Variants in CCNL2 observed in about 807,000 individuals in gnomAD.
CCNL2 encodes cyclin L2.
CCNL2 carries 28 observed loss-of-function variants against 59.1 expected under a neutral mutation model. The ratio of observed to expected loss-of-function variants is 0.47; its 90% CI spans 0.35 to 0.65. The LOEUF (loss-of-function observed/expected upper bound fraction) is 0.65. Among genes scored for constraint, CCNL2 ranks in the 30% least tolerant of loss-of-function variants. CCNL2 has a pLI of 0.00. For missense variants in CCNL2, 714 were observed against 717.4 expected, an observed-to-expected ratio of 1.00 and a Z score of 0.05; for synonymous variants, 342 against 288.6, an observed-to-expected ratio of 1.19 and a Z score of -1.88.
intron 4 of CCNL2, among the ~76,000 whole-genome samples, chr1:1,394,361 G>A (rs1011329998): frequency 1.3e-5 from 2 of 152,114 alleles, no homozygotes; most frequent in African/African-American, 4.8e-5. Flanking sequence ...AGTACATGCC[G>A]CAAAACTCGC....
rs534775954 is a variant in CCNL2, at chr1:1,387,286, C to A, written c.1508G>T (p.Arg503Leu). ...QRRERSRSYE[R>L]TGRRYERDHP... Reference sequence around the variant, plus strand: ...GTCCCGCTCATAGCGACGGCCTGTGCGTTCATACGACCTCGAGCGCTCTCG... The same window carrying A: ...GTCCCGCTCATAGCGACGGCCTGTGAGTTCATACGACCTCGAGCGCTCTCG... The change falls in exon 11 of 11, where the codon CGC becomes CTC. Residue 503 changes from arginine to leucine, a missense_variant. Physicochemically the swap from Arg to Leu is moderately radical, Grantham distance 102. This residue lies in a region of CCNL2 where 403 missense variants were observed against 377.7 expected (regional missense o/e 1.07). Transcript: ENST00000400809. 1.2e-6 allele frequency: 2 copies of A among 1,612,694 alleles called. No individual in the cohort carries two copies. Among genetic ancestry groups the A allele is most frequent in the South Asian group, 2.2e-5 (2 of 91,094 alleles).
chr1:1,387,081 C>T lies in CCNL2; in HGVS notation c.*150G>A, dbSNP rs937426332. The T allele has an allele frequency of 3.2e-5, 20 of 618,230 alleles. No individual in the cohort carries two copies. The highest frequency in any genetic ancestry group is 8.9e-5 in the Admixed American group (3 of 33,668). 38.3% of individuals were successfully genotyped at this position (618,230 alleles called of 1,614,324 possible). On this transcript the variant is annotated 3_prime_UTR_variant, in exon 11 of 11. Transcript: ENST00000400809. Reference sequence around the variant, plus strand: ...ATTTCCAAATCCACCAAGGTCCAGTCGACAGACATTTCCAAAAAGAATCCT... The same window carrying T: ...ATTTCCAAATCCACCAAGGTCCAGTTGACAGACATTTCCAAAAAGAATCCT...
chr1:1,388,511 C>A (rs1437077837), intron 8 of CCNL2: 1 of 454,138 alleles, frequency 2.2e-6, no homozygotes, highest in Non-Finnish European at 4.4e-6. Context: ...CAGCGAGACT[C>A]TGTCTCAAGA....
chr1:1,394,915 G>C (rs1004779018), intron 4 of CCNL2, among the ~76,000 whole-genome samples: 4 of 152,108 alleles, frequency 2.6e-5, no homozygotes, highest in Admixed American at 6.6e-5. Context: ...AAATCAGCTC[G>C]GCGTGGTGGC....
chr1:1,398,337 C>T lies in CCNL2; in HGVS notation c.369G>A (p.Val123=). The change falls in exon 3 of 11, where the codon GTG becomes GTA. Residue 123 remains valine (V), a synonymous_variant. Transcript: ENST00000400809. ...KSFVKHSMEH[V]SMACVHLASK... ...AAGCCAGGTGGACACAGGCCATTGA[C>T]ACATGCTGAAGCGGAAGCATTGCAA... The T allele has an allele frequency of 6.2e-7, 1 of 1,614,070 alleles. No homozygotes were observed. Among genetic ancestry groups the T allele is most frequent in the Non-Finnish European group, 8.5e-7 (1 of 1,179,990 alleles).
At chr1:1,397,625 G>A (rs990930830) in intron 3 of CCNL2, among the ~76,000 whole-genome samples, 1 of 152,156 alleles carries the variant, frequency 6.6e-6, no homozygotes, top group Non-Finnish European at 1.5e-5. Flanking sequence ...GCTTTGGGAG[G>A]CTAAGGCCAG....
chr1:1,389,368 C>T (rs1482592080), intron 8 of CCNL2: 1 of 152,080 alleles, frequency 6.6e-6, no homozygotes, highest in Non-Finnish European at 1.5e-5. Flanking sequence ...GACTCCATCT[C>T]AAAAAAAAGA....
chr1:1,386,991 A>ACGGGCCCAGGTGTGCGC lies in CCNL2; in HGVS notation c.*223_*239dup. ...GAGCTGCTGCCGAGCTGAGCCCTGC[A>ACGGGCCCAGGTGTGCGC]CGGGCCCAGGTGTGCGCCGCACCCC... On this transcript the variant is annotated 3_prime_UTR_variant, in exon 11 of 11. Transcript: ENST00000400809. 2 of 460,426 alleles carry ACGGGCCCAGGTGTGCGC rather than the reference A, an allele frequency of 4.3e-6. No homozygotes were observed. Among genetic ancestry groups the ACGGGCCCAGGTGTGCGC allele is most frequent in the Non-Finnish European group, 7.7e-6 (2 of 260,210 alleles). The allele number at this position is 460,426 out of a possible 1,614,324, so 28.5% of individuals were successfully genotyped here. A position where few individuals can be genotyped will look rare whatever the true frequency, so the allele number is the denominator to read the frequency against.
intron 5 of CCNL2, chr1:1,393,003 C>T (rs1286412130): frequency 2.1e-5 from 13 of 633,596 alleles, no homozygotes; most frequent in Non-Finnish European, 2.5e-5. Flanking sequence ...TTGCTAAAAT[C>T]GGCCCCAGAA....
chr1:1,387,222 A>G lies in CCNL2; in HGVS notation c.*9T>C, dbSNP rs750278205. ...AGGGCTTGCGGCCACCAGTCACTGC[A>G]ACCCCGCCTCACCTCCGATGCCTGC... On this transcript the variant is annotated 3_prime_UTR_variant, in exon 11 of 11. Transcript: ENST00000400809. 4 of 1,594,100 alleles carry G rather than the reference A, an allele frequency of 2.5e-6. No individual in the cohort carries two copies. The South Asian group carries it at 4.4e-5, about 18-fold the overall frequency.
chr1:1,395,415 G>A lies in CCNL2; in HGVS notation c.573C>T (p.Val191=), dbSNP rs1357573440. 1.2e-6 allele frequency: 2 copies of A among 1,614,158 alleles called. No individual in the cohort carries two copies. The highest frequency in any genetic ancestry group is 4.5e-5 in the East Asian group (2 of 44,886). ...RRVLKELGFC[V]HVKHPHKIIV... ...CCACCTTATGAGGATGCTTCACATG[G>A]ACGCAGAAACCCAACTCTTTGAGAA... Residue 191 remains valine, a synonymous_variant, in exon 4 of 11, where the codon GTC becomes GTT. Transcript: ENST00000400809.
intron 1 of CCNL2, 148 bp from the exon 2 acceptor site, chr1:1,398,819 T>C: frequency 7.9e-7 from 1 of 1,273,184 alleles, no homozygotes; most frequent in Non-Finnish European, 1.1e-6. Context: ...TCCCGCCGTC[T>C]CGGGATCCAG....
chr1:1,386,856 C>T lies in CCNL2; in HGVS notation c.*375G>A, dbSNP rs770085924. ...CTAAAAATCATCTTTCTTGGCTTCA[C>T]GTAATTGAGTATCAGTCGGGGAGTG... is the stretch of plus-strand genomic sequence containing the variant. On this transcript the variant is annotated 3_prime_UTR_variant, in exon 11 of 11. Transcript: ENST00000400809. The T allele has an allele frequency of 7.0e-5, 15 of 213,500 alleles. No individual in the cohort carries two copies. Among genetic ancestry groups the T allele is most frequent in the South Asian group, 1.7e-4 (1 of 5,970 alleles). The allele number at this position is 213,500 out of a possible 1,614,324, so 13.2% of individuals were successfully genotyped here. A position where few individuals can be genotyped will look rare whatever the true frequency, so the allele number is the denominator to read the frequency against.
At chr1:1,398,185 A>T (rs924494943) in intron 3 of CCNL2, 48 bp downstream of exon 3, 1 of 1,557,634 alleles carries the variant, frequency 6.4e-7, no homozygotes, top group Non-Finnish European at 8.8e-7. Context: ...AATCAGAAAT[A>T]AAGAAAATAG....
At chr1:1,392,325 A>G (rs752163415) in intron 5 of CCNL2, 4 of 994,548 alleles carry the variant, frequency 4.0e-6, no homozygotes, top group Non-Finnish European at 4.8e-6. Context: ...GTGATACAAT[A>G]TTTTTCAAAG....
intron 8 of CCNL2, chr1:1,389,023 TGAG>T: frequency 4.9e-6 from 1 of 202,770 alleles, no homozygotes; most frequent in Non-Finnish European, 1.0e-5. Flanking sequence ...TACAGTGAGC[TGAG>T]ACAGCGCCAT....
Position 1,387,541 on chromosome 1 carries a change from T to A in CCNL2, c.1253A>T (p.Gln418Leu). 1 of 1,534,360 alleles carries A rather than the reference T, an allele frequency of 6.5e-7. No individual in the cohort carries two copies. Among genetic ancestry groups the A allele is most frequent in the East Asian group, 2.3e-5 (1 of 43,990 alleles). Residue 418 changes from glutamine to leucine, a missense_variant, in exon 11 of 11, where the codon CAG (glutamine) becomes CTG (leucine). Gln to Leu is a moderately radical substitution (Grantham distance 113). Around this residue, in one of 5 missense-constraint regions of CCNL2, gnomAD observed 403 missense variants for 377.7 expected, o/e 1.07. Transcript: ENST00000400809. ...SGSTSGGSKS[Q>L]SRSRSRSDSP... ...GTCACTCCTGCTCCGGGAGCGGCTC[T>A]GCGACTTGGACCCACCAGATGTGGA... is the stretch of plus-strand genomic sequence containing the variant.
intron 1 of CCNL2, 141 bp downstream of exon 1, chr1:1,398,878 G>C (rs546857086): frequency 7.1e-7 from 1 of 1,415,514 alleles, no homozygotes; most frequent in East Asian, 2.5e-5. Context: ...GGCTGGCTAG[G>C]GAATGGCGCC....
chr1:1,391,585 AAC>A (rs1161809488), intron 5 of CCNL2: 1 of 1,303,392 alleles, frequency 7.7e-7, no homozygotes, highest in Non-Finnish European at 1.0e-6. Context: ...TCTTAAAATG[AAC>A]ATTCATAGAA....
Sources: allele counts gnomAD v4.1 joint callset (sites outside exome capture counted in the v4.1 genomes callset), GRCh38; gene constraint gnomAD v4.1.1; regional missense constraint gnomAD v4.1.1; transcripts MANE v1.5; gene names NCBI Gene and HGNC (gene_info 2026-07-23, HGNC 2026-07-21).